HECTD4: variants seen among roughly 807,000 people sequenced by gnomAD.
HECTD4 encodes the protein HECT domain E3 ubiquitin protein ligase 4, also known as probable E3 ubiquitin-protein ligase HECTD4.
Under a neutral mutation model 471.5 loss-of-function variants are expected in HECTD4, and 114 were observed. That is an observed-to-expected ratio of 0.24 (90% confidence interval 0.21 to 0.28). The LOEUF is 0.28. Ranked by LOEUF, HECTD4 falls within the 10% of genes least tolerant of loss-of-function variation. The pLI, the probability that HECTD4 is intolerant of heterozygous loss-of-function variation, is 1.00. For synonymous variants in HECTD4, 2,012 were observed against 2,256.0 expected (o/e 0.89, Z 3.07); for missense variants, 3,866 against 5,651.5 (o/e 0.68, Z 10.13).
intron 1 of HECTD4, among the ~76,000 whole-genome samples, chr12:112,325,064 G>A (rs1181451738): frequency 2.6e-5 from 4 of 152,048 alleles, no homozygotes; most frequent in African/African-American, 9.7e-5. Context: ...TTAAACATGA[G>A]TACTTCTGAA....
chr12:112,214,706 C>T (rs574714778), intron 48 of HECTD4, among the ~76,000 whole-genome samples: 2 of 152,008 alleles, frequency 1.3e-5, no homozygotes, highest in Admixed American at 1.3e-4. Flanking sequence ...AGCCTACCAC[C>T]CACCCCCTGA....
chr12:112,291,054 A>T (rs929404216), intron 7 of HECTD4, among the ~76,000 whole-genome samples: 3 of 152,020 alleles, frequency 2.0e-5, no homozygotes, highest in African/African-American at 7.3e-5. Context: ...ACAACTTCCT[A>T]CTAATCCCAT....
chr12:112,207,667 A>G (rs2032632943), intron 52 of HECTD4, among the ~76,000 whole-genome samples: 1 of 152,220 alleles, frequency 6.6e-6, no homozygotes, highest in Non-Finnish European at 1.5e-5. Flanking sequence ...GCAGCCCATC[A>G]ACCCAAAATA....
At chr12:112,261,213 T>TG in intron 18 of HECTD4, 92 bp downstream of exon 18, 1 of 1,322,718 alleles carries the variant, frequency 7.6e-7, no homozygotes, top group Non-Finnish European at 1.0e-6. Flanking sequence ...TATATAAAAT[T>TG]GATCCTTCTA....
intron 59 of HECTD4, 150 bp from the exon 60 acceptor site, chr12:112,191,115 C>T (rs1270715231): frequency 6.3e-6 from 4 of 637,278 alleles, no homozygotes; most frequent in Non-Finnish European, 1.1e-5. Context: ...TAACTCCTGA[C>T]ACTCTGGACA....
intron 34 of HECTD4, 111 bp from the exon 35 acceptor site, chr12:112,237,209 C>G (rs1440016014): frequency 1.1e-6 from 1 of 916,004 alleles, no homozygotes; most frequent in Non-Finnish European, 1.6e-6. Context: ...GTTTCATGAA[C>G]CATCTAATAG....
intron 55 of HECTD4, among the ~76,000 whole-genome samples, chr12:112,196,880 C>T (rs1160658292): frequency 1.3e-5 from 2 of 151,914 alleles, no homozygotes; most frequent in African/African-American, 2.4e-5. Flanking sequence ...ACTGCAAACT[C>T]CGCCTCCCAG....
chr12:112,207,743 G>T, intron 52 of HECTD4, 131 bp downstream of exon 52: 1 of 982,246 alleles, frequency 1.0e-6, no homozygotes, highest in Non-Finnish European at 1.5e-6. Context: ...TTCACTAAAG[G>T]TAAGGTCAAA....
At chr12:112,217,004 C>A (rs1056722640) in intron 46 of HECTD4, 30 bp downstream of exon 46, 1 of 1,594,248 alleles carries the variant, frequency 6.3e-7, no homozygotes, top group Non-Finnish European at 8.6e-7. Context: ...TCTGAAGATG[C>A]AAAAGACAGT....
At position 112,243,573 on chromosome 12, in the gene HECTD4, C is replaced by T. The variant is rs190911302; in HGVS notation, c.4791+47G>A. On this transcript the variant is annotated intron_variant, in intron 31 of 75. Transcript: ENST00000682272. This position sits in a 1 kb window ranked among gnomAD's most constrained non-coding sequence, Gnocchi z 6.6. ...TCCTGCTAACTGCCGCAAGACCCCG[C>T]ATGCTGTTAGGTGCTATTCATCTGG... 7.1e-5 allele frequency: 113 copies of T among 1,602,786 alleles called. 1 individual carries two copies. The highest frequency in any genetic ancestry group is 5.2e-4 in the Admixed American group (30 of 58,138).
chr12:112,314,242 TA>T (rs2035435089), intron 3 of HECTD4, among the ~76,000 whole-genome samples: 1 of 151,800 alleles, frequency 6.6e-6, no homozygotes, highest in Non-Finnish European at 1.5e-5. Flanking sequence ...TTTAAAGACA[TA>T]GAACTAAAAA....
intron 20 of HECTD4, among the ~76,000 whole-genome samples, chr12:112,257,928 G>A (rs1037088831): frequency 2.0e-5 from 3 of 152,150 alleles, no homozygotes; most frequent in Non-Finnish European, 2.9e-5. Flanking sequence ...GGTGGCTCAC[G>A]CCTGTAATCC....
In HECTD4 at chr12:112,317,607, T is replaced by G. The variant is rs182851893; in HGVS notation, c.695+1618A>C. 4.6e-5 allele frequency among the ~76,000 whole-genome samples: 7 copies of G among 152,236 alleles called. No homozygotes were observed. In the South Asian group the frequency reaches 6.2e-4, roughly 14 times the overall value. ...CAATTAGTCTACTGGAAAACAAAGG[T>G]AGTGAAACTTCTTTCTCACAAACAG... On this transcript the variant is annotated intron_variant, in intron 2 of 75. Transcript: ENST00000682272.
intron 69 of HECTD4, chr12:112,169,964 G>A (rs867982651): frequency 6.0e-5 from 33 of 554,162 alleles, no homozygotes; most frequent in African/African-American, 4.9e-4. Context: ...TTTCCTCTGC[G>A]CATATCCCCC....
At chr12:112,380,338 G>A (rs1324248682) in intron 1 of HECTD4, among the ~76,000 whole-genome samples, 7 of 152,122 alleles carry the variant, frequency 4.6e-5, no homozygotes, top group Non-Finnish European at 8.8e-5. Flanking sequence ...CCAGCAACTC[G>A]GGAGGCAGAG....
chr12:112,301,798 C>A, intron 7 of HECTD4: 1 of 515,810 alleles, frequency 1.9e-6, no homozygotes. Flanking sequence ...CTTCAGCTAG[C>A]TGTTTTTTTT....
At chr12:112,197,811 T>C (rs2032291088) in intron 55 of HECTD4, among the ~76,000 whole-genome samples, 1 of 152,240 alleles carries the variant, frequency 6.6e-6, no homozygotes, top group African/African-American at 2.4e-5. Flanking sequence ...CTTTTAATAA[T>C]ACCATGTTGA....
intron 1 of HECTD4, among the ~76,000 whole-genome samples, chr12:112,338,107 C>T (rs1037092217): frequency 5.3e-5 from 8 of 152,140 alleles, no homozygotes; most frequent in Non-Finnish European, 1.2e-4. Context: ...GGCTGCACTC[C>T]CTCCAGGGGC....
At chr12:112,249,933 G>A in intron 25 of HECTD4, 1 of 567,582 alleles carries the variant, frequency 1.8e-6, no homozygotes, top group Non-Finnish European at 3.1e-6. Flanking sequence ...CCCAAGTGAT[G>A]CCAATGCTGC....
Sources: allele counts gnomAD v4.1 joint callset (sites outside exome capture counted in the v4.1 genomes callset), GRCh38; gene constraint gnomAD v4.1.1; non-coding constraint Gnocchi (gnomAD v3.1); transcripts MANE v1.5; gene names NCBI Gene and HGNC (gene_info 2026-07-23, HGNC 2026-07-21).